The following TRPV4 variants were observed in gnomAD, a reference collection of about 807,000 sequenced individuals.
TRPV4 encodes the protein transient receptor potential cation channel subfamily V member 4.
TRPV4 carries 58 observed loss-of-function variants against 84.1 expected under a neutral mutation model. That is an observed-to-expected ratio of 0.69 (90% CI 0.56 to 0.86). The LOEUF (loss-of-function observed/expected upper bound fraction) is 0.86, where lower values mean the gene tolerates loss of function less well. Ranked by LOEUF, TRPV4 falls within the 40% of genes least tolerant of loss-of-function variation. The pLI is 0.00. For synonymous variants in TRPV4, 489 were observed against 500.9 expected, an observed-to-expected ratio of 0.98 and a Z score of 0.32; for missense variants, 879 against 1,181.1, an observed-to-expected ratio of 0.74 and a Z score of 3.75.
rs10774897 is a variant in TRPV4, at chr12:109,788,991, A to G, written c.1892-275T>C. Among the ~76,000 whole-genome samples, 62,710 of 151,880 alleles carry G rather than the reference A, an allele frequency of 0.41. 13,711 individuals carry two copies. Among genetic ancestry groups the G allele is most frequent in the South Asian group, 0.58 (2,797 of 4,802 alleles). On this transcript the variant is annotated intron_variant, in intron 12 of 15. Coordinates refer to ENST00000261740, the MANE Select transcript of TRPV4 (RefSeq NM_021625.5). ...TTTCTTTCTGAGATGGGGTCTTGCT[A>G]TGTTGCCCAGGCTGGAGTGCAGTGG... is the stretch of plus-strand genomic sequence containing the variant.
At chr12:109,817,012 C>T (rs1052930951) in intron 1 of TRPV4, among the ~76,000 whole-genome samples, 11 of 152,178 alleles carry the variant, frequency 7.2e-5, no homozygotes, top group African/African-American at 1.4e-4. Context: ...GGAGTGACCA[C>T]GCCTCCTCCT....
chr12:109,792,516 C>T, intron 11 of TRPV4, 87 bp from the exon 12 acceptor site: 1 of 1,570,796 alleles, frequency 6.4e-7, no homozygotes, highest in Non-Finnish European at 8.8e-7. Flanking sequence ...CCTGGTCCCA[C>T]CCCAGTGTCC....
chr12:109,827,673 C>T (rs533724962), intron 1 of TRPV4, among the ~76,000 whole-genome samples: 2 of 151,936 alleles, frequency 1.3e-5, no homozygotes, highest in East Asian at 1.9e-4. Flanking sequence ...CACATACACA[C>T]ATGCACACAT....
At chr12:109,823,848 G>A (rs976436063) in intron 1 of TRPV4, among the ~76,000 whole-genome samples, 6 of 152,150 alleles carry the variant, frequency 3.9e-5, no homozygotes, top group Admixed American at 3.3e-4. Flanking sequence ...ACCTCAGGCA[G>A]GTCACTTCCC....
chr12:109,794,271 TC>T (rs1333749189), intron 8 of TRPV4, 57 bp downstream of exon 8: 3 of 1,598,422 alleles, frequency 1.9e-6, no homozygotes, highest in Non-Finnish European at 2.6e-6. Flanking sequence ...TGTGCCCCAG[TC>T]CTGCATGGCT....
In TRPV4 at chr12:109,796,780, C is replaced by T. The variant is rs1890428712; in HGVS notation, c.1153-76G>A. On this transcript the variant is annotated intron_variant, in intron 6 of 15. Transcript: ENST00000261740. The surrounding 1 kb of genome is among the most constrained non-coding windows in gnomAD (Gnocchi z 4.2). ...GGGCTGGGCCCAGCTCAGCACATGA[C>T]GCCTCCCCAGAAAACAGCTAAGCAC... is the stretch of plus-strand genomic sequence containing the variant. 3 of 1,474,236 alleles carry T rather than the reference C, an allele frequency of 2.0e-6. No individual in the cohort carries two copies. The highest frequency in any genetic ancestry group is 2.8e-5 in the African/African-American group (2 of 71,410). 91.3% of individuals were successfully genotyped at this position (1,474,236 alleles called of 1,614,324 possible). A position where few individuals can be genotyped will look rare whatever the true frequency, so the allele number is the denominator to read the frequency against.
Position 109,792,420 on chromosome 12 carries a change from T to G in TRPV4, c.1834A>C (p.Lys612Gln). The G allele has an allele frequency of 6.2e-7, 1 of 1,613,820 alleles. No homozygotes were observed. Among genetic ancestry groups the G allele is most frequent in the Non-Finnish European group, 8.5e-7 (1 of 1,179,948 alleles). ...YSIMIQKILF[K>Q]DLFRFLLVYL... ...ACGAGCAGGAATCGGAAAAGGTCCT[T>G]GAAGAGAATCTAAAGACCCCAGCGG... The change falls in exon 12 of 16, where the codon AAG (lysine) becomes CAG (glutamine). Residue 612 changes from lysine (K) to glutamine (Q), a missense_variant. Transcript: ENST00000261740.
Position 109,783,859 on chromosome 12 carries a change from G to GT in TRPV4, c.2459-82_2459-81insA. ...GTATATTGAGTGCCTACTGTGTACT[G>GT]GGCACTCCACAGTGTTCTGAAGGGG... On this transcript the variant is annotated intron_variant, in intron 15 of 15. Transcript: ENST00000261740. The surrounding 1 kb of genome is among the most constrained non-coding windows in gnomAD (Gnocchi z 4.6). 1 of 1,508,098 alleles carries GT rather than the reference G, an allele frequency of 6.6e-7. No individual in the cohort carries two copies. Among genetic ancestry groups the GT allele is most frequent in the Non-Finnish European group, 9.1e-7 (1 of 1,102,954 alleles). 93.4% of individuals were successfully genotyped at this position (1,508,098 alleles called of 1,614,324 possible).
rs748631628 is a variant in TRPV4 at position 109,796,744 on chromosome 12, A to C, written c.1153-40T>G. The C allele has an allele frequency of 6.3e-7, 1 of 1,582,600 alleles. No individual in the cohort carries two copies. Among genetic ancestry groups the C allele is most frequent in the Non-Finnish European group, 8.6e-7 (1 of 1,162,624 alleles). ...AGGAGGGTCAGGGGGCTCACACTGG[A>C]AAGACCCCCAGGGCTGGGCCCAGCT... On this transcript the variant is annotated intron_variant, in intron 6 of 15. Coordinates refer to ENST00000261740, the MANE Select transcript of TRPV4 (RefSeq NM_021625.5). This position sits in a 1 kb window ranked among gnomAD's most constrained non-coding sequence, Gnocchi z 4.2.
intron 1 of TRPV4, among the ~76,000 whole-genome samples, chr12:109,820,422 C>T (rs555852915): frequency 6.5e-5 from 9 of 138,776 alleles, no homozygotes; most frequent in Non-Finnish European, 9.6e-5. Flanking sequence ...GTCAGGCAGA[C>T]CAGAGGGTCA....
chr12:109,796,807 G>T lies in TRPV4; in HGVS notation c.1153-103C>A. The T allele has an allele frequency of 1.7e-6, 2 of 1,152,884 alleles. No individual in the cohort carries two copies. Among genetic ancestry groups the T allele is most frequent in the Non-Finnish European group, 1.2e-6 (1 of 828,562 alleles). 71.4% of individuals were successfully genotyped at this position (1,152,884 alleles called of 1,614,324 possible). A position where few individuals can be genotyped will look rare whatever the true frequency, so the allele number is the denominator to read the frequency against. Reference sequence around the variant, plus strand: ...CCTCCCCAGAAAACAGCTAAGCACCGGCTGCTGGAGGACCCTTTCCTCATC... The same window carrying T: ...CCTCCCCAGAAAACAGCTAAGCACCTGCTGCTGGAGGACCCTTTCCTCATC... On this transcript the variant is annotated intron_variant, in intron 6 of 15. Transcript: ENST00000261740. The surrounding 1 kb of genome is among the most constrained non-coding windows in gnomAD (Gnocchi z 4.2).
rs1311287353 is a variant in TRPV4 at position 109,809,657 on chromosome 12, C to CCAT, written c.387-1192_387-1190dup. ...TCTGCCTATCCACCCACCCACCCAT[C>CCAT]CATCCATCCATCCATCCATCCATCC... On this transcript the variant is annotated intron_variant, in intron 2 of 15. Transcript: ENST00000261740. Among the ~76,000 whole-genome samples the CCAT allele has an allele frequency of 2.0e-5, 3 of 149,194 alleles. No homozygotes were observed. The East Asian group carries it at 5.9e-4, about 29-fold the overall frequency.
chr12:109,802,571 G>C (rs966260102), intron 4 of TRPV4, among the ~76,000 whole-genome samples: 2 of 151,602 alleles, frequency 1.3e-5, no homozygotes, highest in African/African-American at 2.4e-5. Flanking sequence ...CAAAGTGCTG[G>C]GATTACAGGT....
intron 2 of TRPV4, among the ~76,000 whole-genome samples, chr12:109,812,293 G>C (rs78685039): frequency 6.6e-6 from 1 of 152,194 alleles, no homozygotes; most frequent in African/African-American, 2.4e-5. Context: ...CGTCATAGGG[G>C]CCACATGCTG....
At position 109,793,786 on chromosome 12, in the gene TRPV4, G is replaced by C; in HGVS notation, c.1584+144C>G. ...GGAGAACGTGGGATTGGAGGAGGTA[G>C]AAGAGAAATGGGAAAATAAAAGGAG... On this transcript the variant is annotated intron_variant, in intron 9 of 15. Coordinates refer to ENST00000261740, the MANE Select transcript of TRPV4 (RefSeq NM_021625.5). The surrounding 1 kb of genome is among the most constrained non-coding windows in gnomAD (Gnocchi z 4.0). The C allele has an allele frequency of 4.8e-6, 4 of 832,548 alleles. No individual in the cohort carries two copies. In the South Asian group the frequency reaches 5.9e-5, roughly 12 times the overall value. The allele number at this position is 832,548 out of a possible 1,614,324, so 51.6% of individuals were successfully genotyped here.
chr12:109,813,854 T>C (rs767066465), intron 2 of TRPV4, among the ~76,000 whole-genome samples: 5 of 151,876 alleles, frequency 3.3e-5, no homozygotes, highest in Non-Finnish European at 1.5e-5. Flanking sequence ...GATGAATGGA[T>C]GGATGGATGA....
intron 1 of TRPV4, among the ~76,000 whole-genome samples, chr12:109,825,996 A>G (rs1234754330): frequency 6.6e-6 from 1 of 152,130 alleles, no homozygotes; most frequent in Non-Finnish European, 1.5e-5. Flanking sequence ...CCTACCCTCC[A>G]TGGCACACTT....
In TRPV4 at chr12:109,783,764, C is replaced by T. The variant is rs1889497846; in HGVS notation, c.2473G>A (p.Val825Met). Reference protein sequence around the residue: ...GRLRRDRWSSVVPRVVELNKN... With the variant: ...GRLRRDRWSSMVPRVVELNKN... ...TTCAGTTCCACCACGCGGGGTACCA[C>T]CGAGGACCAGCGATCTGCACCGAGA... Residue 825 changes from valine to methionine, a missense_variant, in exon 16 of 16, where the codon GTG becomes ATG. This residue lies in a region of TRPV4 where 242 missense variants were observed against 355.3 expected (regional missense o/e 0.68). Transcript: ENST00000261740. The surrounding 1 kb of genome is among the most constrained non-coding windows in gnomAD (Gnocchi z 4.6). 1.2e-6 allele frequency: 2 copies of T among 1,612,514 alleles called. No homozygotes were observed. The highest frequency in any genetic ancestry group is 1.3e-5 in the African/African-American group (1 of 74,780).
intron 1 of TRPV4, among the ~76,000 whole-genome samples, chr12:109,818,057 C>T (rs1891937552): frequency 6.6e-6 from 1 of 151,692 alleles, no homozygotes; most frequent in South Asian, 2.1e-4. Context: ...AGTGACTTGC[C>T]TGAGGTCACA....
Sources: gnomAD v4.1 joint callset for allele counts (sites outside exome capture counted in the v4.1 genomes callset) on GRCh38, gnomAD v4.1.1 for gene constraint, gnomAD v4.1.1 regional missense constraint, Gnocchi (gnomAD v3.1) non-coding constraint, MANE v1.5 for transcripts, NCBI Gene and HGNC (gene_info 2026-07-23, HGNC 2026-07-21) for gene names.